The following AP2B1 variants were observed in gnomAD, a reference collection of about 807,000 sequenced individuals.
The protein encoded by AP2B1 is AP-2 complex subunit beta.
Under a neutral mutation model 102.0 loss-of-function variants are expected in AP2B1, and 23 were observed. That is an observed-to-expected ratio of 0.23 (90% CI 0.16 to 0.32). The LOEUF is 0.32. Among genes scored for constraint, AP2B1 ranks in the 10% least tolerant of loss-of-function variants. The pLI, the probability that AP2B1 is intolerant of heterozygous loss-of-function variation, is 1.00. For missense variants in AP2B1, 541 were observed against 1,157.4 expected (o/e 0.47, Z 7.73); for synonymous variants, 381 against 421.2 (o/e 0.90, Z 1.17).
At chr17:35,610,299 T>C (rs1420331449) in intron 5 of AP2B1, among the ~76,000 whole-genome samples, 4 of 151,800 alleles carry the variant, frequency 2.6e-5, no homozygotes, top group African/African-American at 9.7e-5. Context: ...AGGTGCCCAC[T>C]ACCATGCCCG....
intron 1 of AP2B1, among the ~76,000 whole-genome samples, chr17:35,589,715 T>G (rs1441589651): frequency 6.6e-6 from 1 of 152,192 alleles, no homozygotes; most frequent in Non-Finnish European, 1.5e-5. Flanking sequence ...GGCCATACCG[T>G]AAATCCTCAG....
intron 18 of AP2B1, among the ~76,000 whole-genome samples, chr17:35,702,611 C>T (rs1283849841): frequency 1.3e-5 from 2 of 152,140 alleles, no homozygotes; most frequent in African/African-American, 4.8e-5. Context: ...ATTTTAAGAT[C>T]ACTCTGGCTG....
intron 3 of AP2B1, among the ~76,000 whole-genome samples, chr17:35,599,092 G>A (rs975625386): frequency 2.6e-5 from 4 of 152,220 alleles, no homozygotes; most frequent in Non-Finnish European, 5.9e-5. Flanking sequence ...TCCTTCATGA[G>A]CAGTAAAAAT....
chr17:35,593,420 A>C (rs1341770775), intron 1 of AP2B1, among the ~76,000 whole-genome samples: 1 of 144,540 alleles, frequency 6.9e-6, no homozygotes, highest in East Asian at 2.0e-4. Context: ...ACCTATACGC[A>C]CCTACTAAAT....
At chr17:35,641,849 C>G (rs1452511215) in intron 11 of AP2B1, 28 bp from the exon 12 acceptor site, 1 of 1,534,722 alleles carries the variant, frequency 6.5e-7, no homozygotes, top group African/African-American at 1.4e-5. Flanking sequence ...GCCATTCTTT[C>G]ACACTATCAC....
chr17:35,720,563 ATATATATATATTT>A (rs1365307571), intron 21 of AP2B1, among the ~76,000 whole-genome samples: 10 of 49,652 alleles, frequency 2.0e-4, no homozygotes, highest in African/African-American at 7.7e-4. Context: ...ATATATATAT[ATATATATATATTT>A]TTTTTTTTTT....
intron 18 of AP2B1, among the ~76,000 whole-genome samples, chr17:35,685,409 A>C (rs1053077914): frequency 1.3e-5 from 2 of 152,210 alleles, no homozygotes; most frequent in African/African-American, 4.8e-5. Flanking sequence ...AGGTTAAACT[A>C]TATATACATC....
chr17:35,683,098 G>A (rs779734678), intron 18 of AP2B1, among the ~76,000 whole-genome samples: 9 of 151,946 alleles, frequency 5.9e-5, no homozygotes, highest in Non-Finnish European at 1.0e-4. Flanking sequence ...GGCTGGTCTC[G>A]AACTCCTGAC....
chr17:35,660,860 C>T (rs1254719383), intron 14 of AP2B1, among the ~76,000 whole-genome samples: 1 of 152,188 alleles, frequency 6.6e-6, no homozygotes, highest in African/African-American at 2.4e-5. Flanking sequence ...ATTCAGAGGG[C>T]AAGAAACTTA....
At chr17:35,706,150 A>G (rs962943401) in intron 18 of AP2B1, among the ~76,000 whole-genome samples, 1 of 152,176 alleles carries the variant, frequency 6.6e-6, no homozygotes, top group Non-Finnish European at 1.5e-5. Flanking sequence ...CTGAAATTCT[A>G]TGGCAAAATG....
chr17:35,650,811 C>G (rs2075066962), intron 13 of AP2B1, 22 bp downstream of exon 13: 1 of 1,608,800 alleles, frequency 6.2e-7, no homozygotes. Context: ...TGAACTGTCT[C>G]TGAGTGAGAA....
chr17:35,632,847 C>T (rs945631589), intron 9 of AP2B1, among the ~76,000 whole-genome samples: 1 of 151,850 alleles, frequency 6.6e-6, no homozygotes, highest in Non-Finnish European at 1.5e-5. Flanking sequence ...GTGCTAAGCA[C>T]TTACTTGTAT....
At chr17:35,653,023 G>A (rs936710960) in intron 13 of AP2B1, among the ~76,000 whole-genome samples, 8 of 152,076 alleles carry the variant, frequency 5.3e-5, no homozygotes, top group African/African-American at 1.7e-4. Context: ...TTCCTAGATT[G>A]TATTTCTGTC....
At chr17:35,670,378 A>G (rs1368429014) in intron 14 of AP2B1, among the ~76,000 whole-genome samples, 2 of 152,234 alleles carry the variant, frequency 1.3e-5, no homozygotes, top group African/African-American at 4.8e-5. Flanking sequence ...GTGGGGCAGC[A>G]GGTTTTGTAA....
chr17:35,698,074 A>G (rs975373250), intron 18 of AP2B1, among the ~76,000 whole-genome samples: 2 of 152,218 alleles, frequency 1.3e-5, no homozygotes, highest in African/African-American at 4.8e-5. Flanking sequence ...TAAATGGAAA[A>G]AAAAGTTTTT....
intron 3 of AP2B1, among the ~76,000 whole-genome samples, chr17:35,602,566 A>T (rs1330279533): frequency 6.6e-6 from 1 of 152,266 alleles, no homozygotes; most frequent in Admixed American, 6.5e-5. Context: ...TTTTAGTAAT[A>T]CATTTTATTT....
intron 12 of AP2B1, among the ~76,000 whole-genome samples, chr17:35,648,543 TACATACA>T (rs2075001778): frequency 6.6e-6 from 1 of 151,414 alleles, no homozygotes; most frequent in African/African-American, 2.4e-5. Flanking sequence ...CATACATACA[TACATACA>T]TACATACATA....
rs115628224 is a variant in AP2B1, at chr17:35,658,958, C to T, written c.1989+1167C>T. Among the ~76,000 whole-genome samples, 976 of 152,274 alleles carry T rather than the reference C, an allele frequency of 6.4e-3. 9 individuals are homozygous for T. Among genetic ancestry groups the T allele is most frequent in the African/African-American group, 0.022 (929 of 41,546 alleles). On this transcript the variant is annotated intron_variant, in intron 14 of 21. Coordinates refer to ENST00000610402, the MANE Select transcript of AP2B1 (RefSeq NM_001030006.2). Reference sequence around the variant, plus strand: ...CTGCTTCTAGAATTTATACATTGACCAAGCTGTGGACTCCAGCTTATATTG... The same window carrying T: ...CTGCTTCTAGAATTTATACATTGACTAAGCTGTGGACTCCAGCTTATATTG...
intron 14 of AP2B1, among the ~76,000 whole-genome samples, chr17:35,663,595 A>G (rs1248274924): frequency 1.3e-5 from 2 of 152,256 alleles, no homozygotes; most frequent in African/African-American, 2.4e-5. Flanking sequence ...TCTGGAGTAC[A>G]CAGCAGAGTG....
Sources: allele counts gnomAD v4.1 joint callset (sites outside exome capture counted in the v4.1 genomes callset), GRCh38; gene constraint gnomAD v4.1.1; transcripts MANE v1.5; gene names NCBI Gene and HGNC (gene_info 2026-07-23, HGNC 2026-07-21).